Variants in ITGAE observed in about 807,000 individuals in gnomAD.
ITGAE encodes integrin subunit alpha E.
A neutral mutation model predicts 136.5 loss-of-function variants in ITGAE; 99 were observed. The ratio of observed to expected loss-of-function variants is 0.73; its 90% confidence interval spans 0.62 to 0.86. The LOEUF (loss-of-function observed/expected upper bound fraction) is 0.86. Ranked by LOEUF, ITGAE falls within the 40% of genes least tolerant of loss-of-function variation. The pLI is 0.00. For synonymous variants in ITGAE, 613 were observed against 591.8 expected (o/e 1.04, Z -0.52); for missense variants, 1,447 against 1,515.3 (o/e 0.95, Z 0.75).
In ITGAE at chr17:3,729,532, G is replaced by C; in HGVS notation, c.2858C>G (p.Ala953Gly). 3.1e-6 allele frequency: 5 copies of C among 1,608,256 alleles called. No individual in the cohort carries two copies. The highest frequency in any genetic ancestry group is 4.3e-6 in the Non-Finnish European group (5 of 1,174,678). The change falls in exon 24 of 31, where the codon GCC becomes GGC. Residue 953 changes from alanine (A) to glycine (G), a missense_variant. By Grantham distance (60) the Ala-to-Gly change is moderately conservative (BLOSUM62 0). This residue lies in a region of ITGAE where 1,031 missense variants were observed against 1,011.4 expected (regional missense o/e 1.02). Coordinates refer to ENST00000263087, the MANE Select transcript of ITGAE (RefSeq NM_002208.5). ...VTNSNERRSLANETHTLQFRH... is the reference protein window; with the variant it reads ...VTNSNERRSLGNETHTLQFRH... The stretch of plus-strand genomic sequence containing the variant: ...GAATTGAAGGGTGTGGGTCTCGTTG[G>C]CCAAAGACCGTCTTTCATTGGAACT...
At chr17:3,747,511 A>C (rs796677273) in intron 17 of ITGAE, among the ~76,000 whole-genome samples, 1 of 151,862 alleles carries the variant, frequency 6.6e-6, no homozygotes, top group South Asian at 2.1e-4. Flanking sequence ...GTGTTTCACC[A>C]TGTTAGGCAG....
chr17:3,776,324 C>T (rs188478830), intron 2 of ITGAE, among the ~76,000 whole-genome samples: 183 of 152,162 alleles, frequency 1.2e-3, no homozygotes, highest in African/African-American at 4.0e-3. Flanking sequence ...TCCCAAAGTG[C>T]TGGGATTACA....
intron 2 of ITGAE, among the ~76,000 whole-genome samples, chr17:3,769,185 C>G (rs989714841): frequency 6.6e-6 from 1 of 152,152 alleles, no homozygotes; most frequent in Non-Finnish European, 1.5e-5. Flanking sequence ...TCTCTCTCCT[C>G]CTCAGTCCTC....
chr17:3,774,315 A>G (rs916457249), intron 2 of ITGAE, among the ~76,000 whole-genome samples: 57 of 152,222 alleles, frequency 3.7e-4, no homozygotes, highest in African/African-American at 1.4e-3. Flanking sequence ...GGGCCCGCTC[A>G]GTGGGAGAGT....
chr17:3,716,861 T>C, intron 29 of ITGAE, 63 bp from the exon 30 acceptor site: 1 of 951,082 alleles, frequency 1.1e-6, no homozygotes, highest in South Asian at 1.3e-5. Context: ...AAATCCTACA[T>C]GTTATTTTAA....
intron 1 of ITGAE, among the ~76,000 whole-genome samples, chr17:3,789,343 A>T (rs2052881046): frequency 6.6e-6 from 1 of 151,934 alleles, no homozygotes; most frequent in Non-Finnish European, 1.5e-5. Context: ...AGTATTAAGC[A>T]TTTTTCTTGC....
At position 3,728,238 on chromosome 17, in the gene ITGAE, C is replaced by A. The variant is rs925410659; in HGVS notation, c.2913-70G>T. 1.4e-5 allele frequency: 17 copies of A among 1,209,858 alleles called. No individual in the cohort carries two copies. The South Asian group carries it at 2.0e-4, about 15-fold the overall frequency. 74.9% of individuals were successfully genotyped at this position (1,209,858 alleles called of 1,614,324 possible). On this transcript the variant is annotated intron_variant, in intron 24 of 30. Coordinates refer to ENST00000263087, the MANE Select transcript of ITGAE (RefSeq NM_002208.5). Reference sequence around the variant, plus strand: ...CCTTTTTTGGAGACAGGGTCTCACTCTGTTGCCCAGGCTAGAGCACAGTGG... The same window carrying A: ...CCTTTTTTGGAGACAGGGTCTCACTATGTTGCCCAGGCTAGAGCACAGTGG...
intron 28 of ITGAE, 42 bp downstream of exon 28, chr17:3,723,245 AG>A: frequency 1.6e-6 from 2 of 1,277,742 alleles, no homozygotes; most frequent in Non-Finnish European, 2.3e-6. Flanking sequence ...GATGCCCGTG[AG>A]CAACTGGATA....
chr17:3,719,256 A>G (rs2051003091), intron 29 of ITGAE, among the ~76,000 whole-genome samples: 2 of 142,074 alleles, frequency 1.4e-5, no homozygotes, highest in South Asian at 4.2e-4. Flanking sequence ...AAAAAAAAAA[A>G]GAAAAGAAAA....
intron 26 of ITGAE, chr17:3,724,983 C>G: frequency 6.2e-7 from 1 of 1,614,170 alleles, no homozygotes; most frequent in Non-Finnish European, 8.5e-7. Context: ...GGAAACCTCT[C>G]TCCTCCATTC....
intron 28 of ITGAE, among the ~76,000 whole-genome samples, 173 bp downstream of exon 28, chr17:3,723,115 T>A (rs750971563): frequency 6.6e-6 from 1 of 152,204 alleles, no homozygotes; most frequent in Non-Finnish European, 1.5e-5. Context: ...AACTGGAGTA[T>A]ATCTCCCTCC....
chr17:3,717,281 TAC>T (rs1201417353), intron 29 of ITGAE: 1 of 154,778 alleles, frequency 6.5e-6, no homozygotes, highest in Non-Finnish European at 1.4e-5. Context: ...GCTTTGGTAA[TAC>T]ACTTTCCCCA....
intron 6 of ITGAE, 143 bp from the exon 7 acceptor site, chr17:3,760,430 C>CTTTTTTTTTTTTTTTT (rs1208333239): frequency 1.6e-5 from 1 of 63,232 alleles, no homozygotes; most frequent in African/African-American, 7.8e-5. Context: ...AAGAGGGAAG[C>CTTTTTTTTTTTTTTTT]TTTTTTTTTT....
chr17:3,716,095 G>C (rs1256968546), intron 30 of ITGAE, among the ~76,000 whole-genome samples: 5 of 151,868 alleles, frequency 3.3e-5, no homozygotes, highest in Admixed American at 3.3e-4. Context: ...GTCAGGGTGG[G>C]GGGAAGGGAA....
At chr17:3,766,951 T>C (rs938923433) in intron 2 of ITGAE, among the ~76,000 whole-genome samples, 2 of 151,924 alleles carry the variant, frequency 1.3e-5, no homozygotes, top group African/African-American at 2.4e-5. Flanking sequence ...CTTCTTCTCA[T>C]CTTCCCCGCC....
chr17:3,787,555 G>C, intron 1 of ITGAE, among the ~76,000 whole-genome samples: 1 of 152,152 alleles, frequency 6.6e-6, no homozygotes, highest in Non-Finnish European at 1.5e-5. Flanking sequence ...ACTGTGTCTG[G>C]CCTGCTATGA....
chr17:3,717,486 C>G (rs1262181308), intron 29 of ITGAE: 1 of 152,216 alleles, frequency 6.6e-6, no homozygotes, highest in Non-Finnish European at 1.5e-5. Context: ...TGGCAGGGCT[C>G]AGCTAGAAAG....
At chr17:3,740,601 C>T (rs774910759) in intron 19 of ITGAE, among the ~76,000 whole-genome samples, 3 of 152,346 alleles carry the variant, frequency 2.0e-5, no homozygotes, top group Non-Finnish European at 4.4e-5. Flanking sequence ...GTCTCAAACT[C>T]CTGACCTCAG....
chr17:3,715,165 C>G (rs1054424781), intron 30 of ITGAE, among the ~76,000 whole-genome samples: 6 of 152,180 alleles, frequency 3.9e-5, no homozygotes, highest in Non-Finnish European at 7.3e-5. Flanking sequence ...TCCTCTGAAC[C>G]CTGCTCTCCC....
Sources: allele counts gnomAD v4.1 joint callset (sites outside exome capture counted in the v4.1 genomes callset), GRCh38; gene constraint gnomAD v4.1.1; regional missense constraint gnomAD v4.1.1; transcripts MANE v1.5; gene names NCBI Gene and HGNC (gene_info 2026-07-23, HGNC 2026-07-21).